Variants in POU6F2 observed in about 807,000 individuals in gnomAD.
POU6F2 encodes POU domain, class 6, transcription factor 2.
Under a neutral mutation model 71.3 loss-of-function variants are expected in POU6F2, and 31 were observed. That is an observed-to-expected ratio of 0.43 (90% CI 0.33 to 0.59). The LOEUF (loss-of-function observed/expected upper bound fraction) is 0.59, where lower values mean the gene tolerates loss of function less well. Ranked by LOEUF, POU6F2 falls within the 20% of genes least tolerant of loss-of-function variation. POU6F2 has a pLI of 0.04. For synonymous variants in POU6F2, 347 were observed against 355.7 expected (o/e 0.98, Z 0.27); for missense variants, 783 against 856.8 (o/e 0.91, Z 1.07).
intron 4 of POU6F2, among the ~76,000 whole-genome samples, chr7:39,334,457 A>G (rs1785723081): frequency 6.6e-6 from 1 of 152,046 alleles, no homozygotes; most frequent in Non-Finnish European, 1.5e-5. Context: ...ATTATACACA[A>G]TCGACTCACG....
intron 3 of POU6F2, 85 bp from the exon 4 acceptor site, chr7:39,207,307 C>T: frequency 2.3e-6 from 3 of 1,283,158 alleles, no homozygotes; most frequent in East Asian, 2.4e-5. Context: ...ACTTTCTGAC[C>T]CTACTTAAGT....
At chr7:39,323,827 C>T (rs749889744) in intron 4 of POU6F2, among the ~76,000 whole-genome samples, 43 of 151,994 alleles carry the variant, frequency 2.8e-4, no homozygotes, top group Middle Eastern at 3.4e-3. Context: ...GCCCTTGCAC[C>T]GCCAGGCAAG....
intron 2 of POU6F2, among the ~76,000 whole-genome samples, chr7:39,109,729 A>G (rs1416346301): frequency 6.6e-6 from 1 of 152,242 alleles, no homozygotes; most frequent in Non-Finnish European, 1.5e-5. Flanking sequence ...TGTAAATCGT[A>G]TAGGTAGCAT....
chr7:39,305,548 G>C (rs1785032375), intron 4 of POU6F2, among the ~76,000 whole-genome samples: 1 of 152,174 alleles, frequency 6.6e-6, no homozygotes, highest in South Asian at 2.1e-4. Context: ...CAGATGTGCA[G>C]CAAGTGTCTG....
At chr7:39,434,485 T>C (rs1013344292) in intron 7 of POU6F2, among the ~76,000 whole-genome samples, 19 of 152,006 alleles carry the variant, frequency 1.2e-4, no homozygotes, top group African/African-American at 4.6e-4. Flanking sequence ...GTGGTCAGAA[T>C]AGTGCCTGGC....
intron 2 of POU6F2, among the ~76,000 whole-genome samples, chr7:39,150,221 A>ATGTC (rs1554325533): frequency 4.1e-5 from 2 of 48,532 alleles, no homozygotes; most frequent in African/African-American, 2.1e-4. Context: ...GCTGAGTAAT[A>ATGTC]TGTCTGTGTG....
At chr7:39,181,379 T>TA (rs1793430755) in intron 2 of POU6F2, among the ~76,000 whole-genome samples, 1 of 152,220 alleles carries the variant, frequency 6.6e-6, no homozygotes, top group Admixed American at 6.5e-5. Flanking sequence ...CTCTCATTTC[T>TA]AACTCTGTTA....
chr7:39,233,342 AAT>A (rs1376404394), intron 4 of POU6F2, among the ~76,000 whole-genome samples: 1 of 152,180 alleles, frequency 6.6e-6, no homozygotes, highest in African/African-American at 2.4e-5. Flanking sequence ...ATCCAGTCTG[AAT>A]TTAGCATTTG....
chr7:39,138,474 T>C (rs1344155672), intron 2 of POU6F2, among the ~76,000 whole-genome samples: 1 of 152,154 alleles, frequency 6.6e-6, no homozygotes, highest in Non-Finnish European at 1.5e-5. Context: ...CCGCCTCCTG[T>C]CAGATCAGCG....
intron 2 of POU6F2, among the ~76,000 whole-genome samples, chr7:39,161,973 A>T (rs1793007580): frequency 6.6e-6 from 1 of 152,188 alleles, no homozygotes; most frequent in Non-Finnish European, 1.5e-5. Context: ...TCAGAAAATA[A>T]GGCACTTGAC....
chr7:39,112,606 AG>A (rs888975935), intron 2 of POU6F2, among the ~76,000 whole-genome samples: 7 of 152,314 alleles, frequency 4.6e-5, no homozygotes, highest in African/African-American at 1.7e-4. Context: ...TTACAGCATA[AG>A]AATTGAGTGT....
chr7:39,105,549 C>T (rs1392123685), intron 2 of POU6F2, among the ~76,000 whole-genome samples: 1 of 151,856 alleles, frequency 6.6e-6, no homozygotes, highest in African/African-American at 2.4e-5. Flanking sequence ...GAAGTCTCAG[C>T]ACAGGCAAGA....
At chr7:39,225,722 C>A (rs1179379052) in intron 4 of POU6F2, among the ~76,000 whole-genome samples, 1 of 152,188 alleles carries the variant, frequency 6.6e-6, no homozygotes, top group Non-Finnish European at 1.5e-5. Flanking sequence ...CTCTTAAAAA[C>A]TAAATGATAT....
chr7:39,313,304 T>G (rs1259312886), intron 4 of POU6F2, among the ~76,000 whole-genome samples: 15 of 152,028 alleles, frequency 9.9e-5, no homozygotes, highest in Non-Finnish European at 7.4e-5. Flanking sequence ...TCTTATTCCC[T>G]CACTTATTTA....
intron 1 of POU6F2, among the ~76,000 whole-genome samples, chr7:39,012,798 T>G (rs1418514999): frequency 2.6e-5 from 4 of 150,950 alleles, no homozygotes; most frequent in Non-Finnish European, 5.9e-5. Flanking sequence ...GAGGTGTCAG[T>G]GTGCCCCTGC....
intron 2 of POU6F2, among the ~76,000 whole-genome samples, 188 bp from the exon 3 acceptor site, chr7:39,204,047 T>A (rs1247438587): frequency 6.6e-6 from 1 of 152,162 alleles, no homozygotes; most frequent in Non-Finnish European, 1.5e-5. Context: ...GCTGTTCTAT[T>A]CTTCTACCTC....
At chr7:39,022,493 A>T (rs1562674160) in intron 1 of POU6F2, among the ~76,000 whole-genome samples, 1 of 152,200 alleles carries the variant, frequency 6.6e-6, no homozygotes, top group East Asian at 1.9e-4. Flanking sequence ...TCTAGCCAAG[A>T]CATGGGACAC....
At chr7:39,251,996 T>A (rs555082907) in intron 4 of POU6F2, among the ~76,000 whole-genome samples, 135 of 152,326 alleles carry the variant, frequency 8.9e-4, no homozygotes, top group Non-Finnish European at 1.4e-3. Context: ...GCCTGTTGCC[T>A]CTGATCCATC....
At chr7:39,260,082 A>G (rs985313064) in intron 4 of POU6F2, among the ~76,000 whole-genome samples, 3 of 151,364 alleles carry the variant, frequency 2.0e-5, no homozygotes, top group African/African-American at 7.3e-5. Flanking sequence ...CGATACACAC[A>G]CCACACGCAT....
Sources: allele counts gnomAD v4.1 joint callset (sites outside exome capture counted in the v4.1 genomes callset), GRCh38; gene constraint gnomAD v4.1.1; transcripts MANE v1.5; gene names NCBI Gene and HGNC (gene_info 2026-07-23, HGNC 2026-07-21).